INTS6: variants seen among roughly 807,000 people sequenced by gnomAD.
The protein encoded by INTS6 is DEAD box protein.
INTS6 carries 16 observed loss-of-function variants against 104.9 expected under a neutral mutation model. The ratio of observed to expected loss-of-function variants is 0.15; its 90% CI spans 0.10 to 0.23. The LOEUF (loss-of-function observed/expected upper bound fraction) is 0.23, where lower values mean the gene tolerates loss of function less well. Among genes scored for constraint, INTS6 ranks in the 10% least tolerant of loss-of-function variants. The probability of loss-of-function intolerance (pLI) is 1.00; values close to 1 mark genes in which losing one functional copy is unlikely to be tolerated. For missense variants in INTS6, 584 were observed against 1,062.8 expected (o/e 0.55, Z 6.26); for synonymous variants, 324 against 358.7 (o/e 0.90, Z 1.09).
chr13:51,374,190 G>A lies in INTS6; in HGVS notation c.2104+18C>T, dbSNP rs776497012. 2 of 1,592,226 alleles carry A rather than the reference G, an allele frequency of 1.3e-6. No individual in the cohort carries two copies. Among genetic ancestry groups the A allele is most frequent in the African/African-American group, 2.7e-5 (2 of 74,354 alleles). On this transcript the variant is annotated intron_variant, in intron 15 of 17. Coordinates refer to ENST00000311234, the MANE Select transcript of INTS6 (RefSeq NM_012141.3). ...CCAAAAGGCAGCAAATAATGTTTAA[G>A]AAAAAAACAATTCTTACTTTTATGA...
chr13:51,345,392 A>G, the INTS6 span, among the ~76,000 whole-genome samples: 6 of 152,142 alleles, frequency 3.9e-5, no homozygotes, highest in Admixed American at 1.3e-4. Context: ...CAGGAGTTTG[A>G]GACTAGCCTG....
chr13:51,382,423 C>T (rs2137917212), intron 9 of INTS6, among the ~76,000 whole-genome samples: 1 of 152,274 alleles, frequency 6.6e-6, no homozygotes, highest in South Asian at 2.1e-4. Context: ...AAAGCATGCA[C>T]AATGTTTTCT....
chr13:51,404,856 TA>T (rs573672836), intron 4 of INTS6, among the ~76,000 whole-genome samples: 52 of 152,076 alleles, frequency 3.4e-4, no homozygotes, highest in Admixed American at 2.8e-3. Flanking sequence ...TGGGGACTTT[TA>T]AAAAAAATTA....
intron 4 of INTS6, among the ~76,000 whole-genome samples, chr13:51,400,749 A>C (rs1956421255): frequency 6.6e-6 from 1 of 152,220 alleles, no homozygotes. Flanking sequence ...GTGTAGTAAA[A>C]ATAAGAAAAT....
rs1364748201 is a variant in INTS6, at chr13:51,362,631, A to C, written c.*3121T>G. On this transcript the variant is annotated 3_prime_UTR_variant, in exon 18 of 18. Coordinates refer to ENST00000311234, the MANE Select transcript of INTS6 (RefSeq NM_012141.3). ...GTATTAAAAAGAAATAGGATAGAAC[A>C]AGACTAATAAAATCAAGCAAAGGTG... is the stretch of plus-strand genomic sequence containing the variant. 1 of 152,450 alleles carries C rather than the reference A, an allele frequency of 6.6e-6. No individual in the cohort carries two copies. The highest frequency in any genetic ancestry group is 1.5e-5 in the Non-Finnish European group (1 of 67,942). The allele number at this position is 152,450 out of a possible 1,614,324, so 9.4% of individuals were successfully genotyped here.
intron 4 of INTS6, among the ~76,000 whole-genome samples, chr13:51,406,644 T>TA (rs755707904): frequency 3.9e-5 from 6 of 152,154 alleles, no homozygotes; most frequent in Non-Finnish European, 7.4e-5. Context: ...CTCCACCCCC[T>TA]ACCTCTAAAT....
At chr13:51,348,251 C>T in the INTS6 span, 1 of 1,604,168 alleles carries the variant, frequency 6.2e-7, no homozygotes, top group East Asian at 2.3e-5. Context: ...GGTGGGGGTG[C>T]TGGAGCTTCC....
chr13:51,361,594 T>C lies in INTS6; in HGVS notation c.*4158A>G, dbSNP rs914209550. Reference sequence around the variant, plus strand: ...TCTGAAAGTTACCTTCAATAAGGAATTTATTCCATGGAATGTGTTGAAAAC... The same window carrying C: ...TCTGAAAGTTACCTTCAATAAGGAACTTATTCCATGGAATGTGTTGAAAAC... On this transcript the variant is annotated 3_prime_UTR_variant, in exon 18 of 18. Coordinates refer to ENST00000311234, the MANE Select transcript of INTS6 (RefSeq NM_012141.3). 1 of 588,270 alleles carries C rather than the reference T, an allele frequency of 1.7e-6. No individual in the cohort carries two copies. Among genetic ancestry groups the C allele is most frequent in the Non-Finnish European group, 3.0e-6 (1 of 336,634 alleles). 36.4% of individuals were successfully genotyped at this position (588,270 alleles called of 1,614,324 possible).
chr13:51,378,172 G>C, intron 12 of INTS6, 67 bp downstream of exon 12: 1 of 1,189,196 alleles, frequency 8.4e-7, no homozygotes, highest in Middle Eastern at 2.6e-4. Context: ...AGAGTTAACA[G>C]AAAATGTGAT....
chr13:51,419,382 C>T (rs1204923539), intron 4 of INTS6, among the ~76,000 whole-genome samples: 5 of 152,152 alleles, frequency 3.3e-5, no homozygotes, highest in African/African-American at 4.8e-5. Context: ...GAATATAGGA[C>T]GTGCCATGCC....
At chr13:51,411,569 A>G (rs914710593) in intron 4 of INTS6, among the ~76,000 whole-genome samples, 1 of 152,074 alleles carries the variant, frequency 6.6e-6, no homozygotes, top group African/African-American at 2.4e-5. Context: ...AAAAAAGAAA[A>G]GAAAAGAAAC....
Position 51,374,767 on chromosome 13 carries a change from T to C in INTS6, c.1759A>G (p.Met587Val). 6.2e-7 allele frequency: 1 copy of C among 1,613,628 alleles called. No homozygotes were observed. The highest frequency in any genetic ancestry group is 8.5e-7 in the Non-Finnish European group (1 of 1,179,908). The change falls in exon 14 of 18, where the codon ATG (methionine) becomes GTG (valine). Residue 587 changes from methionine (M) to valine (V), a missense_variant. Physicochemically the swap from Met to Val is conservative, Grantham distance 21. This residue lies in a region of INTS6 where 296 missense variants were observed against 437.0 expected (regional missense o/e 0.68). Coordinates refer to ENST00000311234, the MANE Select transcript of INTS6 (RefSeq NM_012141.3). ...TTGAGGTATTCCTGGTAGTTCCCCATTTGTGCTATAGGAACACTGTGCACT... is the reference window on the plus strand; with the variant it reads ...TTGAGGTATTCCTGGTAGTTCCCCACTTGTGCTATAGGAACACTGTGCACT... ...DQVHSVPIAQ[M>V]GNYQEYLKQV... is the part of the protein sequence containing the mutation.
At chr13:51,395,986 C>G (rs1033754770) in intron 4 of INTS6, among the ~76,000 whole-genome samples, 2 of 152,018 alleles carry the variant, frequency 1.3e-5, no homozygotes, top group Admixed American at 1.3e-4. Context: ...TTAGTAGAGA[C>G]AGAGTTTTGC....
At chr13:51,430,202 G>A (rs776017753) in intron 4 of INTS6, 92 bp downstream of exon 4, 16 of 1,011,152 alleles carry the variant, frequency 1.6e-5, no homozygotes, top group Admixed American at 5.7e-5. Flanking sequence ...AATAATCAAC[G>A]AGAGAACCTA....
intron 6 of INTS6, among the ~76,000 whole-genome samples, chr13:51,388,218 T>C (rs1956175222): frequency 2.6e-5 from 4 of 152,132 alleles, no homozygotes; most frequent in South Asian, 2.1e-4. Context: ...ACACAACTTA[T>C]TGTTATCACC....
intron 9 of INTS6, among the ~76,000 whole-genome samples, chr13:51,382,928 T>C (rs1956079231): frequency 2.0e-5 from 3 of 151,672 alleles, no homozygotes; most frequent in African/African-American, 7.3e-5. Flanking sequence ...AATAAAAAAC[T>C]TAGCTAGGCA....
Position 51,364,869 on chromosome 13 carries a change from T to C in INTS6, c.*883A>G, listed in dbSNP as rs1211332909. On this transcript the variant is annotated 3_prime_UTR_variant, in exon 18 of 18. Transcript: ENST00000311234. ...CCACTCCCTAACAGCTTCAGCTTCG[T>C]GCCATCCACAATCCTAGTGATAAAG... The C allele has an allele frequency of 6.6e-6, 1 of 152,202 alleles. No homozygotes were observed. Among genetic ancestry groups the C allele is most frequent in the East Asian group, 1.9e-4 (1 of 5,198 alleles). The allele number at this position is 152,202 out of a possible 1,614,324, so 9.4% of individuals were successfully genotyped here.
chr13:51,345,639 T>C, the INTS6 span, among the ~76,000 whole-genome samples: 7 of 145,674 alleles, frequency 4.8e-5, no homozygotes, highest in Admixed American at 6.8e-5. Flanking sequence ...GTGATATGTA[T>C]ACTACGACTG....
intron 4 of INTS6, among the ~76,000 whole-genome samples, chr13:51,412,641 C>A (rs1005885904): frequency 1.3e-5 from 2 of 152,130 alleles, no homozygotes; most frequent in East Asian, 3.9e-4. Context: ...CCTCTTAAGG[C>A]AACATAATAA....
Sources: allele counts gnomAD v4.1 joint callset (sites outside exome capture counted in the v4.1 genomes callset), GRCh38; gene constraint gnomAD v4.1.1; regional missense constraint gnomAD v4.1.1; transcripts MANE v1.5; gene names NCBI Gene and HGNC (gene_info 2026-07-23, HGNC 2026-07-21).